The following DMD variants were observed in gnomAD, a reference collection of about 807,000 sequenced individuals.
DMD encodes the protein mutant dystrophin.
DMD carries 63 observed loss-of-function variants against 330.1 expected under a neutral mutation model. The observed-to-expected ratio is 0.19, with a 90% CI of 0.16 to 0.24. The LOEUF is 0.24. Ranked by LOEUF, DMD falls within the 10% of genes least tolerant of loss-of-function variation. The probability of loss-of-function intolerance (pLI) is 1.00; values close to 1 mark genes in which losing one functional copy is unlikely to be tolerated. For missense variants in DMD, 3,344 were observed against 2,684.1 expected (o/e 1.25, Z -5.43); for synonymous variants, 1,223 against 959.8 (o/e 1.27, Z -5.07).
chrX:31,588,185 T>G (rs1403155748), intron 55 of DMD, among the ~76,000 whole-genome samples: 1 of 112,079 alleles, frequency 8.9e-6, no homozygotes, highest in Non-Finnish European at 1.9e-5. Flanking sequence ...TATGGATGCT[T>G]GAACATCTTG....
At chrX:31,363,172 A>G (rs1328623482) in intron 60 of DMD, among the ~76,000 whole-genome samples, 1 of 111,674 alleles carries the variant, frequency 9.0e-6, no homozygotes, top group Non-Finnish European at 1.9e-5. Context: ...AATTCAAGTT[A>G]ATATTTGTTT....
intron 50 of DMD, among the ~76,000 whole-genome samples, chrX:31,809,227 A>AT (rs1245921004): frequency 9.4e-6 from 1 of 106,648 alleles, no homozygotes; most frequent in Non-Finnish European, 1.9e-5. Context: ...AGTTTCCTAT[A>AT]TAAAAACTAT....
At chrX:32,521,364 A>G (rs1198569667) in intron 17 of DMD, among the ~76,000 whole-genome samples, 1 of 111,635 alleles carries the variant, frequency 9.0e-6, no homozygotes, top group Non-Finnish European at 1.9e-5. Context: ...CTTTGGCTTC[A>G]TGATGCCACT....
chrX:33,286,236 G>T (rs1292359420), intron 1 of DMD, among the ~76,000 whole-genome samples: 2 of 111,109 alleles, frequency 1.8e-5, no homozygotes, highest in Admixed American at 1.9e-4. Flanking sequence ...TATATATCTA[G>T]AATTTTACAT....
intron 62 of DMD, among the ~76,000 whole-genome samples, chrX:31,290,081 T>C (rs112907665): frequency 1.8e-5 from 2 of 108,895 alleles, no homozygotes; most frequent in African/African-American, 6.7e-5. Context: ...CCACCATGCC[T>C]GGCTGATTTT....
chrX:31,829,609 A>G (rs2092974756), intron 49 of DMD, among the ~76,000 whole-genome samples: 1 of 111,068 alleles, frequency 9.0e-6, no homozygotes, highest in South Asian at 3.8e-4. Flanking sequence ...ATATTATTTG[A>G]TGTAGAATAA....
At position 32,701,717 on chromosome X, in the gene DMD, CTG is replaced by C. The variant is rs370580478; in HGVS notation, c.650-2426_650-2425del. ...GGGTTGAGCCTGTGCCTATTCACTG[CTG>C]TGTTATACATAGACACATGCATGTA... On this transcript the variant is annotated intron_variant, in intron 7 of 78. Transcript: ENST00000357033. Among the ~76,000 whole-genome samples, 672 of 111,421 alleles carry C rather than the reference CTG, an allele frequency of 6.0e-3. 9 individuals are homozygous for C. The highest frequency in any genetic ancestry group is 0.021 in the African/African-American group (649 of 30,743).
intron 7 of DMD, among the ~76,000 whole-genome samples, chrX:32,778,243 CAAA>C (rs35311570): frequency 1.2e-4 from 8 of 67,619 alleles, no homozygotes; most frequent in African/African-American, 1.1e-4. Context: ...CAGATCCTCG[CAAA>C]AAAAAAAAAA....
chrX:31,871,338 G>A (rs1358643178), intron 48 of DMD, among the ~76,000 whole-genome samples: 8 of 111,246 alleles, frequency 7.2e-5, no homozygotes, highest in African/African-American at 9.8e-5. Context: ...ACCAAGCAAT[G>A]TGCAGTCAAT....
chrX:32,897,749 A>C (rs981003351), intron 2 of DMD, among the ~76,000 whole-genome samples: 1 of 111,851 alleles, frequency 8.9e-6, no homozygotes, highest in African/African-American at 3.2e-5. Flanking sequence ...ATGTGTGTTC[A>C]TACTATTAAG....
chrX:32,034,989 T>G (rs67451661), intron 44 of DMD, among the ~76,000 whole-genome samples: 13,646 of 111,399 alleles, frequency 0.12, 1,019 homozygotes, highest in African/African-American at 0.26. Flanking sequence ...AATTTTCAAT[T>G]CCATTCAACA....
Position 32,170,239 on chromosome X carries a change from G to A in DMD, c.6438+46677C>T, listed in dbSNP as rs1299833070. Among the ~76,000 whole-genome samples the A allele has an allele frequency of 2.7e-5, 3 of 110,105 alleles. No individual in the cohort carries two copies. The East Asian group carries it at 8.5e-4, about 31-fold the overall frequency. On this transcript the variant is annotated intron_variant, in intron 44 of 78. Coordinates refer to ENST00000357033, the MANE Select transcript of DMD (RefSeq NM_004006.3). ...TAATCCCAGCACTTTGGGAGGCTGA[G>A]GTGGATGGATCATCTGAGGTCAGGA...
At chrX:31,190,609 GGGAGGGGGA>G (rs2042233407) in intron 67 of DMD, among the ~76,000 whole-genome samples, 9 of 16,420 alleles carry the variant, frequency 5.5e-4, no homozygotes, top group African/African-American at 6.6e-4. Flanking sequence ...GGGGGGGGGG[GGGAGGGGGA>G]GGGCGGGGAG....
chrX:33,134,342 C>T (rs766189574), intron 1 of DMD, among the ~76,000 whole-genome samples: 12 of 111,644 alleles, frequency 1.1e-4, no homozygotes, highest in Non-Finnish European at 2.1e-4. Flanking sequence ...CAACTATAGG[C>T]GGTATATATC....
At chrX:31,150,482 G>T (rs1469492589) in intron 74 of DMD, among the ~76,000 whole-genome samples, 1 of 112,013 alleles carries the variant, frequency 8.9e-6, no homozygotes, top group Non-Finnish European at 1.9e-5. Flanking sequence ...TGACTGATTA[G>T]AACTCTTGAC....
At chrX:31,367,095 C>A (rs943496010) in intron 60 of DMD, among the ~76,000 whole-genome samples, 11 of 111,146 alleles carry the variant, frequency 9.9e-5, no homozygotes, top group African/African-American at 3.6e-4. Flanking sequence ...TCATTTACTC[C>A]CTGAATCACT....
chrX:32,731,269 G>A (rs749041215), intron 7 of DMD, among the ~76,000 whole-genome samples: 15 of 112,400 alleles, frequency 1.3e-4, no homozygotes, highest in East Asian at 5.7e-4. Flanking sequence ...CTACCCCAAC[G>A]GAATCTCGCT....
intron 48 of DMD, 145 bp downstream of exon 48, chrX:31,875,043 T>C (rs2093947232): frequency 7.5e-6 from 4 of 535,225 alleles, no homozygotes; most frequent in Non-Finnish European, 9.1e-6. Context: ...CCTGTGCCTA[T>C]TGTGGTTATC....
chrX:31,587,794 G>A (rs912865013), intron 55 of DMD, among the ~76,000 whole-genome samples: 1 of 111,522 alleles, frequency 9.0e-6, no homozygotes, highest in African/African-American at 3.3e-5. Context: ...TCATTTGACT[G>A]TAGATAAGCT....
Sources: allele counts gnomAD v4.1 joint callset (sites outside exome capture counted in the v4.1 genomes callset), GRCh38; gene constraint gnomAD v4.1.1; transcripts MANE v1.5; gene names NCBI Gene and HGNC (gene_info 2026-07-23, HGNC 2026-07-21).